CALM2: variants seen among roughly 807,000 people sequenced by gnomAD.
The protein encoded by CALM2 is calmodulin-2.
A neutral mutation model predicts 19.8 loss-of-function variants in CALM2; 2 were observed. The observed-to-expected ratio is 0.10, with a 90% CI of 0.04 to 0.32. The LOEUF is 0.32. Ranked by LOEUF, CALM2 falls within the 10% of genes least tolerant of loss-of-function variation. The pLI is 1.00. For missense variants in CALM2, 38 were observed against 178.7 expected (o/e 0.21, Z 4.49); for synonymous variants, 51 against 52.1 (o/e 0.98, Z 0.09).
intron 1 of CALM2, among the ~76,000 whole-genome samples, chr2:47,174,568 G>GT (rs1553433733): frequency 6.6e-6 from 1 of 151,106 alleles, no homozygotes; most frequent in Non-Finnish European, 1.5e-5. Context: ...GTCTCTTATA[G>GT]TAAGAGCTGT....
intron 1 of CALM2, chr2:47,171,601 G>C (rs901068559): frequency 2.6e-5 from 4 of 152,128 alleles, no homozygotes; most frequent in African/African-American, 9.7e-5. Flanking sequence ...ATATAAAGAT[G>C]ATTGCAAAAT....
Position 47,176,446 on chromosome 2 carries a change from T to G in CALM2, c.-3A>C, listed in dbSNP as rs1483970774. 1 of 1,613,666 alleles carries G rather than the reference T, an allele frequency of 6.2e-7. No individual in the cohort carries two copies. Among genetic ancestry groups the G allele is most frequent in the Non-Finnish European group, 8.5e-7 (1 of 1,179,982 alleles). ...CAGCTCAGCGATGCACTCACCATGC[T>G]GCAAGCGCTACCGGTTTCCGAGACG... is the stretch of plus-strand genomic sequence containing the variant. On this transcript the variant is annotated 5_prime_UTR_variant, in exon 1 of 6. Coordinates refer to ENST00000272298, the MANE Select transcript of CALM2 (RefSeq NM_001743.6).
At position 47,166,477 on chromosome 2, in the gene CALM2, C is replaced by T. The variant is rs571483197; in HGVS notation, c.35-3815G>A. On this transcript the variant is annotated intron_variant, in intron 2 of 5. Transcript: ENST00000272298. Reference sequence around the variant, plus strand: ...CGAGAAATTTAAAAATCTAATAACACTTAAAATGTTTGCTAGAATAAGTAA... The same window carrying T: ...CGAGAAATTTAAAAATCTAATAACATTTAAAATGTTTGCTAGAATAAGTAA... Among the ~76,000 whole-genome samples the T allele has an allele frequency of 9.2e-5, 14 of 152,290 alleles. No individual in the cohort carries two copies. The South Asian group carries it at 2.7e-3, about 29-fold the overall frequency.
At position 47,175,594 on chromosome 2, in the gene CALM2, C is replaced by G. The variant is rs564337165; in HGVS notation, c.3+847G>C. On this transcript the variant is annotated intron_variant, in intron 1 of 5. Transcript: ENST00000272298. The stretch of plus-strand genomic sequence containing the variant: ...TAAAAAGCAATTTTTTTTAAAGCAT[C>G]CGGCCTGGGTGGTGGAAGACGCCCC... Among the ~76,000 whole-genome samples, 28 of 152,256 alleles carry G rather than the reference C, an allele frequency of 1.8e-4. No individual in the cohort carries two copies. The East Asian group carries it at 5.4e-3, about 29-fold the overall frequency.
chr2:47,171,118 C>A, intron 1 of CALM2: 1 of 184,588 alleles, frequency 5.4e-6, no homozygotes, highest in African/African-American at 2.4e-5. Flanking sequence ...TTCAGGCTCA[C>A]AAAATGAAAA....
upstream of CALM2, chr2:47,176,934 AC>A (rs1484550105): frequency 3.7e-5 from 36 of 985,446 alleles, no homozygotes; most frequent in South Asian, 8.0e-4. Context: ...TGTCCTGGCA[AC>A]TGCGCCAGGC....
rs928941745 is a variant in CALM2 at position 47,176,429 on chromosome 2, C to T, written c.3+12G>A. ...CACAGGCCCAGCGCCGGCAGCTCAG[C>T]GATGCACTCACCATGCTGCAAGCGC... On this transcript the variant is annotated intron_variant, in intron 1 of 5. Transcript: ENST00000272298. 3 of 1,613,232 alleles carry T rather than the reference C, an allele frequency of 1.9e-6. No homozygotes were observed. Among genetic ancestry groups the T allele is most frequent in the Non-Finnish European group, 2.5e-6 (3 of 1,179,924 alleles).
chr2:47,175,684 C>A (rs1248260840), intron 1 of CALM2, among the ~76,000 whole-genome samples: 1 of 151,184 alleles, frequency 6.6e-6, no homozygotes, highest in Non-Finnish European at 1.5e-5. Context: ...CGAGGCCCCC[C>A]TCCCCCGCCC....
intron 2 of CALM2, among the ~76,000 whole-genome samples, chr2:47,169,529 TC>T (rs1666601104): frequency 6.6e-6 from 1 of 152,182 alleles, no homozygotes; most frequent in Admixed American, 6.5e-5. Context: ...AAAAAATTAT[TC>T]CCAAAACTGT....
intron 2 of CALM2, among the ~76,000 whole-genome samples, chr2:47,166,253 A>C (rs1666466845): frequency 6.6e-6 from 1 of 152,182 alleles, no homozygotes; most frequent in South Asian, 2.1e-4. Context: ...TGCACCTTTC[A>C]CCTAATTTAG....
intron 1 of CALM2, among the ~76,000 whole-genome samples, chr2:47,175,523 C>G (rs1558702822): frequency 6.6e-6 from 1 of 152,158 alleles, no homozygotes; most frequent in African/African-American, 2.4e-5. Context: ...GAGGACGCGC[C>G]CCTGACTTCA....
chr2:47,170,778 A>G lies in CALM2; in HGVS notation c.4-14T>C. On this transcript the variant is annotated splice_polypyrimidine_tract_variant and intron_variant, in intron 1 of 5. Transcript: ENST00000272298. ...CAGTTGGTCAGCCTACAAAGAGATCAAAGAGGAAGGTTAGTGACTTGAGAG... is the reference window on the plus strand; with the variant it reads ...CAGTTGGTCAGCCTACAAAGAGATCGAAGAGGAAGGTTAGTGACTTGAGAG... The G allele has an allele frequency of 4.3e-6, 7 of 1,611,762 alleles. No individual in the cohort carries two copies. The highest frequency in any genetic ancestry group is 5.9e-6 in the Non-Finnish European group (7 of 1,177,846).
chr2:47,172,201 G>T (rs1666692406), intron 1 of CALM2: 3 of 265,082 alleles, frequency 1.1e-5, no homozygotes, highest in South Asian at 1.1e-4. Flanking sequence ...TGTATTAATA[G>T]AAGCTACATT....
rs1573236195 is a variant in CALM2, at chr2:47,176,475, C to A, written c.-32G>T. Reference sequence around the variant, plus strand: ...AGCGCTACCGGTTTCCGAGACGCGACCACACAACCACTCAGCTCGCTCTCT... The same window carrying A: ...AGCGCTACCGGTTTCCGAGACGCGAACACACAACCACTCAGCTCGCTCTCT... On this transcript the variant is annotated 5_prime_UTR_variant, in exon 1 of 6. Coordinates refer to ENST00000272298, the MANE Select transcript of CALM2 (RefSeq NM_001743.6). 9 of 1,613,802 alleles carry A rather than the reference C, an allele frequency of 5.6e-6. No individual in the cohort carries two copies. The Middle Eastern group carries it at 8.2e-4, about 148-fold the overall frequency.
At chr2:47,168,884 T>C (rs928261593) in intron 2 of CALM2, among the ~76,000 whole-genome samples, 1 of 152,092 alleles carries the variant, frequency 6.6e-6, no homozygotes, top group African/African-American at 2.4e-5. Flanking sequence ...TTCAAGTGAT[T>C]CTCCTGCATC....
intron 2 of CALM2, among the ~76,000 whole-genome samples, chr2:47,170,381 A>C (rs1339275930): frequency 6.6e-6 from 1 of 152,194 alleles, no homozygotes; most frequent in African/African-American, 2.4e-5. Context: ...TGCCTTAGTT[A>C]CTTCTTGGCC....
chr2:47,176,917 G>A (rs775441097), upstream of CALM2: 86 of 985,314 alleles, frequency 8.7e-5, no homozygotes, highest in African/African-American at 1.0e-4. Context: ...TGCTGCTCGG[G>A]CCGCGCTGTC....
intron 2 of CALM2, among the ~76,000 whole-genome samples, chr2:47,169,287 T>C (rs748000798): frequency 6.6e-6 from 1 of 152,078 alleles, no homozygotes; most frequent in Non-Finnish European, 1.5e-5. Context: ...AAGGAGACAG[T>C]ATATTTATAA....
At chr2:47,172,810 G>GGC (rs1553433428) in intron 1 of CALM2, 1 of 3,624 alleles carries the variant, frequency 2.8e-4, no homozygotes, top group Non-Finnish European at 9.4e-4. Flanking sequence ...CATGGGTTGG[G>GGC]GGGGGGGGGG....
Sources: allele counts gnomAD v4.1 joint callset (sites outside exome capture counted in the v4.1 genomes callset), GRCh38; gene constraint gnomAD v4.1.1; transcripts MANE v1.5; gene names NCBI Gene and HGNC (gene_info 2026-07-23, HGNC 2026-07-21).